Variants in HS6ST2 observed in about 807,000 individuals in gnomAD.
HS6ST2 encodes the protein heparan-sulfate 6-O-sulfotransferase 2.
A neutral mutation model predicts 33.0 loss-of-function variants in HS6ST2; 17 were observed. The ratio of observed to expected loss-of-function variants is 0.52; its 90% CI spans 0.35 to 0.77. The LOEUF (loss-of-function observed/expected upper bound fraction) is 0.77. Ranked by LOEUF, HS6ST2 falls within the 30% of genes least tolerant of loss-of-function variation. The pLI is 0.01. For synonymous variants in HS6ST2, 248 were observed against 237.1 expected, an observed-to-expected ratio of 1.05 and a Z score of -0.42; for missense variants, 519 against 551.7, an observed-to-expected ratio of 0.94 and a Z score of 0.59.
At chrX:132,888,627 C>A (rs1320403858) in intron 2 of HS6ST2, among the ~76,000 whole-genome samples, 1 of 111,260 alleles carries the variant, frequency 9.0e-6, no homozygotes, top group Non-Finnish European at 1.9e-5. Context: ...GCCTCAGCCT[C>A]CCGAGTAGCT....
At chrX:132,933,306 T>A (rs2066794182) in intron 2 of HS6ST2, among the ~76,000 whole-genome samples, 1 of 110,870 alleles carries the variant, frequency 9.0e-6, no homozygotes, top group South Asian at 3.9e-4. Flanking sequence ...CCAGCCTGGG[T>A]GACAGAGCGA....
At chrX:132,894,870 A>G (rs1345206965) in intron 2 of HS6ST2, among the ~76,000 whole-genome samples, 1 of 112,087 alleles carries the variant, frequency 8.9e-6, no homozygotes, top group Non-Finnish European at 1.9e-5. Context: ...TAGGAAAGTC[A>G]CGTACTTCAT....
intron 2 of HS6ST2, among the ~76,000 whole-genome samples, chrX:132,933,282 C>T (rs902850001): frequency 2.7e-4 from 30 of 110,707 alleles, no homozygotes; most frequent in Non-Finnish European, 3.6e-4. Context: ...GAGCCGAGAT[C>T]GCACCAGTGC....
At chrX:132,750,070 A>AC (rs34349908) in intron 2 of HS6ST2, among the ~76,000 whole-genome samples, 8 of 109,245 alleles carry the variant, frequency 7.3e-5, no homozygotes, top group Non-Finnish European at 3.8e-5. Context: ...GGGAGGACAC[A>AC]CCCCCCAGCT....
chrX:132,686,990 A>G (rs1400492302), intron 3 of HS6ST2, among the ~76,000 whole-genome samples: 3 of 112,291 alleles, frequency 2.7e-5, no homozygotes, highest in Admixed American at 1.9e-4. Flanking sequence ...CCAATGAGCC[A>G]TCTTCCTTGA....
intron 3 of HS6ST2, among the ~76,000 whole-genome samples, chrX:132,701,643 A>G (rs1055249620): frequency 5.4e-5 from 6 of 111,935 alleles, no homozygotes; most frequent in Non-Finnish European, 1.1e-4. Flanking sequence ...ATGGGACAGG[A>G]CGGGAGGTGT....
chrX:132,769,538 C>G (rs956212165), intron 2 of HS6ST2, among the ~76,000 whole-genome samples: 1 of 112,124 alleles, frequency 8.9e-6, no homozygotes, highest in Non-Finnish European at 1.9e-5. Flanking sequence ...TTTCCAGCCA[C>G]TAACTTTTTT....
chrX:132,732,330 A>C (rs2064467076), intron 2 of HS6ST2, among the ~76,000 whole-genome samples: 1 of 111,844 alleles, frequency 8.9e-6, no homozygotes, highest in African/African-American at 3.3e-5. Flanking sequence ...GCCACCCCCT[A>C]CAAGAGAAAA....
intron 3 of HS6ST2, among the ~76,000 whole-genome samples, chrX:132,696,279 G>A (rs768607681): frequency 2.7e-5 from 3 of 111,713 alleles, no homozygotes; most frequent in Non-Finnish European, 5.6e-5. Flanking sequence ...ATGCCTGCCC[G>A]TGTATATCTT....
intron 2 of HS6ST2, among the ~76,000 whole-genome samples, chrX:132,945,315 A>C (rs1001759238): frequency 2.7e-5 from 3 of 112,019 alleles, no homozygotes; most frequent in Non-Finnish European, 3.8e-5. Context: ...ATACCATCTC[A>C]CACCAGTTAG....
In HS6ST2 at chrX:132,788,514, C is replaced by G. The variant is rs186635192; in HGVS notation, c.948-80020G>C. On this transcript the variant is annotated intron_variant, in intron 2 of 4. Coordinates refer to ENST00000370833, the MANE Select transcript of HS6ST2 (RefSeq NM_001394073.1). The stretch of plus-strand genomic sequence containing the variant: ...AATACTGAAATTAGGCCAGTAACTA[C>G]CCTACAATGGTCTCTAAGTGTTCAA... Among the ~76,000 whole-genome samples the G allele has an allele frequency of 1.5e-3, 163 of 111,772 alleles. No individual in the cohort carries two copies. In the East Asian group the frequency reaches 0.025, roughly 17 times the overall value.
At chrX:132,876,975 TC>T (rs927824728) in intron 2 of HS6ST2, among the ~76,000 whole-genome samples, 2 of 112,443 alleles carry the variant, frequency 1.8e-5, no homozygotes, top group African/African-American at 6.5e-5. Context: ...TAATATTTAG[TC>T]CTTTTTATTG....
At chrX:132,769,357 T>C (rs185497489) in intron 2 of HS6ST2, among the ~76,000 whole-genome samples, 22 of 112,235 alleles carry the variant, frequency 2.0e-4, no homozygotes, top group Non-Finnish European at 3.9e-4. Context: ...AGAAGAACAG[T>C]TAATTTGTCC....
chrX:132,664,535 G>T (rs966966541), intron 4 of HS6ST2, among the ~76,000 whole-genome samples: 15 of 111,390 alleles, frequency 1.3e-4, no homozygotes, highest in African/African-American at 4.9e-4. Context: ...GAGTAAGCAG[G>T]GTTTGACTTG....
chrX:132,883,621 T>G (rs887105028), intron 2 of HS6ST2, among the ~76,000 whole-genome samples: 2 of 111,196 alleles, frequency 1.8e-5, no homozygotes, highest in Admixed American at 1.9e-4. Context: ...GGCACTTTTT[T>G]AAGAGGGTCA....
chrX:132,649,212 A>G (rs771902500), intron 4 of HS6ST2, among the ~76,000 whole-genome samples: 117 of 111,960 alleles, frequency 1.0e-3, no homozygotes, highest in Non-Finnish European at 2.0e-3. Flanking sequence ...CCACTATTCC[A>G]TCTCTACAAA....
intron 3 of HS6ST2, among the ~76,000 whole-genome samples, 159 bp from the exon 4 acceptor site, chrX:132,669,358 T>C (rs1014119034): frequency 1.1e-5 from 1 of 92,886 alleles, no homozygotes; most frequent in Non-Finnish European, 2.0e-5. Context: ...TGTCAAAGTA[T>C]GATCTTATCC....
At chrX:132,760,372 G>C (rs1042234990) in intron 2 of HS6ST2, among the ~76,000 whole-genome samples, 9 of 110,939 alleles carry the variant, frequency 8.1e-5, no homozygotes, top group Non-Finnish European at 1.5e-4. Flanking sequence ...GTGACAGTGA[G>C]TTCTCACGAC....
chrX:132,743,522 C>T (rs578162526), intron 2 of HS6ST2, among the ~76,000 whole-genome samples: 2 of 112,052 alleles, frequency 1.8e-5, no homozygotes, highest in African/African-American at 6.5e-5. Flanking sequence ...ATATTGATGG[C>T]GATTGATAAT....
Sources: allele counts gnomAD v4.1 joint callset (sites outside exome capture counted in the v4.1 genomes callset), GRCh38; gene constraint gnomAD v4.1.1; transcripts MANE v1.5; gene names NCBI Gene and HGNC (gene_info 2026-07-23, HGNC 2026-07-21).